TRPM4: variants seen among roughly 807,000 people sequenced by gnomAD.
TRPM4 encodes transient receptor potential cation channel subfamily M member 4, also known as calcium-activated non-selective cation channel 1.
A neutral mutation model predicts 135.6 loss-of-function variants in TRPM4; 124 were observed. The observed-to-expected ratio is 0.91, with a 90% confidence interval of 0.79 to 1.06. TRPM4 has a LOEUF of 1.06. TRPM4 is among the 50% of genes least tolerant of loss of function. The probability of loss-of-function intolerance (pLI) is 0.00; values close to 1 mark genes in which losing one functional copy is unlikely to be tolerated. For missense variants in TRPM4, 1,658 were observed against 1,671.4 expected, an observed-to-expected ratio of 0.99 and a Z score of 0.14; for synonymous variants, 745 against 705.6, an observed-to-expected ratio of 1.06 and a Z score of -0.88.
intron 20 of TRPM4, among the ~76,000 whole-genome samples, chr19:49,203,102 C>A (rs577149342): frequency 6.6e-5 from 10 of 150,874 alleles, no homozygotes; most frequent in South Asian, 4.2e-4. Context: ...CGTGTTAACC[C>A]GGATGGTCTC....
intron 3 of TRPM4, among the ~76,000 whole-genome samples, chr19:49,166,619 C>T (rs866009704): frequency 4.1e-5 from 6 of 145,038 alleles, no homozygotes; most frequent in African/African-American, 1.5e-4. Context: ...TCTCTGTCCC[C>T]CTCTCTCTCT....
chr19:49,167,469 A>C (rs111169066), intron 3 of TRPM4, among the ~76,000 whole-genome samples: 460 of 38,958 alleles, frequency 0.012, 15 homozygotes, highest in Middle Eastern at 0.048. Flanking sequence ...CTCTGTCGCC[A>C]TCTCTCTGGG....
intron 18 of TRPM4, 57 bp from the exon 19 acceptor site, chr19:49,200,554 A>G (rs564545217): frequency 1.3e-5 from 20 of 1,597,086 alleles, no homozygotes; most frequent in Admixed American, 5.0e-5. Flanking sequence ...TTTGGGATAT[A>G]GGGGTGGGGC....
chr19:49,182,949 C>T (rs368929559), intron 11 of TRPM4, 27 bp downstream of exon 11: 7 of 1,581,438 alleles, frequency 4.4e-6, no homozygotes, highest in Non-Finnish European at 6.0e-6. Flanking sequence ...GCTGGGGGGC[C>T]CCCCCGCGCG....
chr19:49,201,095 A>G (rs1264917633), intron 19 of TRPM4, among the ~76,000 whole-genome samples: 1 of 145,520 alleles, frequency 6.9e-6, no homozygotes, highest in Non-Finnish European at 1.5e-5. Context: ...TAATTTTTTT[A>G]GTAAAGCCAT....
rs571703006 is a variant in TRPM4, at chr19:49,201,754, C to A, written c.2954-210C>A. On this transcript the variant is annotated intron_variant, in intron 19 of 24. Transcript: ENST00000252826. ...CTGGGACTACAGGCGCGTGCCACCA[C>A]GCCTGGCTAACAGTTTTGTGTTTTT... is the stretch of plus-strand genomic sequence containing the variant. Among the ~76,000 whole-genome samples the A allele has an allele frequency of 3.2e-4, 48 of 152,280 alleles. 1 individual carries two copies. The South Asian group carries it at 9.7e-3, about 31-fold the overall frequency.
chr19:49,187,904 G>A (rs1968258178), intron 12 of TRPM4, among the ~76,000 whole-genome samples: 3 of 152,110 alleles, frequency 2.0e-5, no homozygotes, highest in Non-Finnish European at 4.4e-5. Context: ...AGAACTGGTT[G>A]AGCCAGACTA....
At chr19:49,161,251 A>G (rs998642090) in intron 2 of TRPM4, among the ~76,000 whole-genome samples, 10 of 150,778 alleles carry the variant, frequency 6.6e-5, no homozygotes, top group East Asian at 2.0e-4. Flanking sequence ...TCTATAGCCA[A>G]TTGTGTGCGT....
At position 49,188,948 on chromosome 19, in the gene TRPM4, C is replaced by T; in HGVS notation, c.1876C>T (p.Leu626Phe). The T allele has an allele frequency of 6.2e-7, 1 of 1,614,144 alleles. No individual in the cohort carries two copies. Among genetic ancestry groups the T allele is most frequent in the Non-Finnish European group, 8.5e-7 (1 of 1,180,042 alleles). ...AFKFEGMGVD[L>F]FGECYRSSEV... ...CATAACTAACTCCTCTGCCCCAGAC[C>T]TCTTTGGCGAGTGCTATCGCAGCAG... The change falls in exon 14 of 25, where the codon CTC becomes TTC. Residue 626 changes from leucine to phenylalanine, a missense_variant and splice_region_variant. Physicochemically the swap from Leu to Phe is conservative, Grantham distance 22. This residue lies in a region of TRPM4 where 1,412 missense variants were observed against 1,408.7 expected (regional missense o/e 1.00). Transcript: ENST00000252826.
At chr19:49,207,491 G>C (rs111463422) in intron 20 of TRPM4, among the ~76,000 whole-genome samples, 7 of 151,664 alleles carry the variant, frequency 4.6e-5, no homozygotes, top group African/African-American at 1.5e-4. Flanking sequence ...TTTGCCAGGC[G>C]TGGTGGTGCA....
At position 49,171,879 on chromosome 19, in the gene TRPM4, G is replaced by C. The variant is rs1389551334; in HGVS notation, c.1050+110G>C. On this transcript the variant is annotated intron_variant, in intron 8 of 24. Transcript: ENST00000252826. The surrounding 1 kb of genome is among the most constrained non-coding windows in gnomAD (Gnocchi z 4.7). ...GGGGGCCTGGACTTCCAGGTTCCGGGAGAAGAGGGTGCTGGGCATATAGAC... is the reference window on the plus strand; with the variant it reads ...GGGGGCCTGGACTTCCAGGTTCCGGCAGAAGAGGGTGCTGGGCATATAGAC... 7.1e-7 allele frequency: 1 copy of C among 1,407,530 alleles called. No homozygotes were observed. The highest frequency in any genetic ancestry group is 1.4e-5 in the African/African-American group (1 of 70,424). The allele number at this position is 1,407,530 out of a possible 1,614,324, so 87.2% of individuals were successfully genotyped here.
chr19:49,174,910 C>CT (rs889079892), intron 9 of TRPM4, among the ~76,000 whole-genome samples: 41 of 143,768 alleles, frequency 2.9e-4, no homozygotes, highest in Admixed American at 3.5e-4. Flanking sequence ...GAACTTTTTT[C>CT]TTTTTTTTTT....
At chr19:49,203,893 C>T (rs1969047448) in intron 20 of TRPM4, among the ~76,000 whole-genome samples, 1 of 151,724 alleles carries the variant, frequency 6.6e-6, no homozygotes, top group Non-Finnish European at 1.5e-5. Flanking sequence ...TTTGGGAGGC[C>T]TAGGCGGGTG....
chr19:49,182,993 G>C (rs373333430), intron 11 of TRPM4, 71 bp downstream of exon 11: 3 of 1,597,476 alleles, frequency 1.9e-6, no homozygotes, highest in African/African-American at 2.7e-5. Flanking sequence ...CATCAGGGAT[G>C]GGGCGTGGCC....
intron 17 of TRPM4, among the ~76,000 whole-genome samples, chr19:49,198,362 A>G (rs1363933265): frequency 6.6e-6 from 1 of 152,116 alleles, no homozygotes; most frequent in Non-Finnish European, 1.5e-5. Flanking sequence ...AAAGGGAGAA[A>G]CGGGCCTGGC....
rs755199637 is a variant in TRPM4, at chr19:49,211,064, C to T, written c.3511C>T (p.Arg1171Cys). 1.2e-6 allele frequency: 2 copies of T among 1,614,136 alleles called. No individual in the cohort carries two copies. Among genetic ancestry groups the T allele is most frequent in the Admixed American group, 1.7e-5 (1 of 60,022 alleles). The change falls in exon 23 of 25, where the codon CGC (arginine) becomes TGC (cysteine). Residue 1171 changes from arginine (R) to cysteine (C), a missense_variant. Physicochemically the swap from Arg to Cys is radical, Grantham distance 180. This residue lies in a region of TRPM4 where 1,412 missense variants were observed against 1,408.7 expected (regional missense o/e 1.00). Transcript: ENST00000252826. The surrounding 1 kb of genome is among the most constrained non-coding windows in gnomAD (Gnocchi z 4.8). ...GGGACACATCCGCGAGTACGAACAG[C>T]GCCTGAAAGTGCTGGAGCGGGAGGT... ...QLGHIREYEQ[R>C]LKVLEREVQQ...
In TRPM4 at chr19:49,171,370, C is replaced by T. The variant is rs2122831494; in HGVS notation, c.810C>T (p.Asp270=). 1 of 1,614,104 alleles carries T rather than the reference C, an allele frequency of 6.2e-7. No homozygotes were observed. Among genetic ancestry groups the T allele is most frequent in the East Asian group, 2.2e-5 (1 of 44,872 alleles). The change falls in exon 7 of 25, where the codon GAC becomes GAT. Residue 270 remains aspartate, a synonymous_variant. Transcript: ENST00000252826. The surrounding 1 kb of genome is among the most constrained non-coding windows in gnomAD (Gnocchi z 4.7). Reference sequence around the variant, plus strand: ...TTCTTGCCTCAGGGACTGGAATTGACATCCCTGTCCTGCTCCTCCTGATTG... The same window carrying T: ...TTCTTGCCTCAGGGACTGGAATTGATATCCCTGTCCTGCTCCTCCTGATTG... ...QKTGVGGTGI[D]IPVLLLLIDG... is the part of the protein sequence containing the mutation.
Position 49,211,605 on chromosome 19 carries a change from G to A in TRPM4, c.*107G>A. ...CACCTGGTGGCCTTGTCCTTGAGGT[G>A]AGCCCCATGTCCATCTGGGCCACTG... On this transcript the variant is annotated 3_prime_UTR_variant, in exon 25 of 25. Coordinates refer to ENST00000252826, the MANE Select transcript of TRPM4 (RefSeq NM_017636.4). The surrounding 1 kb of genome is among the most constrained non-coding windows in gnomAD (Gnocchi z 4.8). 2.1e-6 allele frequency: 3 copies of A among 1,441,354 alleles called. No individual in the cohort carries two copies. Among genetic ancestry groups the A allele is most frequent in the Admixed American group, 3.4e-5 (2 of 59,696 alleles). The allele number at this position is 1,441,354 out of a possible 1,614,324, so 89.3% of individuals were successfully genotyped here. A position where few individuals can be genotyped will look rare whatever the true frequency, so the allele number is the denominator to read the frequency against.
chr19:49,200,831 C>T, intron 19 of TRPM4, 46 bp downstream of exon 19: 1 of 1,600,624 alleles, frequency 6.2e-7, no homozygotes, highest in Non-Finnish European at 8.5e-7. Context: ...GTCTCTGTCC[C>T]CGCTCCCTGG....
Sources: gnomAD v4.1 joint callset for allele counts (sites outside exome capture counted in the v4.1 genomes callset) on GRCh38, gnomAD v4.1.1 for gene constraint, gnomAD v4.1.1 regional missense constraint, Gnocchi (gnomAD v3.1) non-coding constraint, MANE v1.5 for transcripts, NCBI Gene and HGNC (gene_info 2026-07-23, HGNC 2026-07-21) for gene names.